Variants in NAALADL2 observed in about 807,000 individuals in gnomAD.
The protein encoded by NAALADL2 is inactive N-acetylated-alpha-linked acidic dipeptidase-like protein 2.
Under a neutral mutation model 87.2 loss-of-function variants are expected in NAALADL2, and 76 were observed. The ratio of observed to expected loss-of-function variants is 0.87; its 90% CI spans 0.72 to 1.05. The LOEUF is 1.05. Among genes scored for constraint, NAALADL2 ranks in the 50% least tolerant of loss-of-function variants. The pLI, the probability that NAALADL2 is intolerant of heterozygous loss-of-function variation, is 0.00. For synonymous variants in NAALADL2, 354 were observed against 331.0 expected, an observed-to-expected ratio of 1.07 and a Z score of -0.75; for missense variants, 1,089 against 945.8, an observed-to-expected ratio of 1.15 and a Z score of -1.99.
chr3:175,663,366 A>T (rs1254425709), intron 11 of NAALADL2, among the ~76,000 whole-genome samples: 2 of 151,672 alleles, frequency 1.3e-5, no homozygotes, highest in African/African-American at 2.4e-5. Flanking sequence ...ATAGTCTCTG[A>T]CAAGCCTTTT....
At position 175,198,038 on chromosome 3, in the gene NAALADL2, TAAAC is replaced by T. The variant is rs534454503; in HGVS notation, c.546-35889_546-35886del. The stretch of plus-strand genomic sequence containing the variant: ...GATACTTTAACAATTAGATTTAACA[TAAAC>T]AAAGTTATCCTGTAAAATTACTCTA... On this transcript the variant is annotated intron_variant, in intron 2 of 13. Transcript: ENST00000454872. 1.9e-3 allele frequency among the ~76,000 whole-genome samples: 288 copies of T among 152,226 alleles called. 2 individuals carry two copies. The highest frequency in any genetic ancestry group is 3.1e-3 in the Non-Finnish European group (214 of 67,968).
intron 9 of NAALADL2, among the ~76,000 whole-genome samples, chr3:175,506,924 G>T (rs1033786423): frequency 6.6e-6 from 1 of 152,006 alleles, no homozygotes; most frequent in Non-Finnish European, 1.5e-5. Flanking sequence ...TTTAGAGGGG[G>T]AAATGACATG....
intron 10 of NAALADL2, among the ~76,000 whole-genome samples, chr3:175,603,887 A>G (rs1268878873): frequency 6.6e-6 from 1 of 152,086 alleles, no homozygotes; most frequent in East Asian, 1.9e-4. Flanking sequence ...CCAGCTACTC[A>G]GGAGGCTGAG....
chr3:175,180,423 G>T (rs1736295268), intron 2 of NAALADL2, among the ~76,000 whole-genome samples: 1 of 151,824 alleles, frequency 6.6e-6, no homozygotes, highest in Non-Finnish European at 1.5e-5. Flanking sequence ...TACTATTACA[G>T]AATTCCAGTA....
At chr3:175,230,707 C>T (rs745960118) in intron 2 of NAALADL2, among the ~76,000 whole-genome samples, 2 of 151,916 alleles carry the variant, frequency 1.3e-5, no homozygotes, top group African/African-American at 4.8e-5. Context: ...TTACTTTACA[C>T]TCACTACATT....
chr3:174,770,459 G>A (rs1342524223), intron 3 of NAALADL2, among the ~76,000 whole-genome samples: 1 of 152,088 alleles, frequency 6.6e-6, no homozygotes, highest in Non-Finnish European at 1.5e-5. Context: ...ATCTTTTATA[G>A]GTTAATTGAT....
chr3:174,649,330 A>G (rs1485400562), intron 2 of NAALADL2, among the ~76,000 whole-genome samples: 2 of 152,134 alleles, frequency 1.3e-5, no homozygotes, highest in Non-Finnish European at 2.9e-5. Flanking sequence ...TGAATTCCAT[A>G]TATAGTCTTA....
At position 175,078,010 on chromosome 3, in the gene NAALADL2, T is replaced by G. The variant is rs189664775; in HGVS notation, c.44-18780T>G. Among the ~76,000 whole-genome samples the G allele has an allele frequency of 4.1e-3, 628 of 151,658 alleles. 10 individuals carry two copies. Among genetic ancestry groups the G allele is most frequent in the African/African-American group, 0.015 (603 of 41,222 alleles). ...ATGATCAAATGAAGGAGTTCGGTTT[T>G]GTTTTGTTCTTTTCTTTCTTTTTTT... On this transcript the variant is annotated intron_variant, in intron 1 of 13. Coordinates refer to ENST00000454872, the MANE Select transcript of NAALADL2 (RefSeq NM_207015.3).
At chr3:175,201,274 T>C (rs1181852698) in intron 2 of NAALADL2, among the ~76,000 whole-genome samples, 1 of 152,152 alleles carries the variant, frequency 6.6e-6, no homozygotes, top group Non-Finnish European at 1.5e-5. Flanking sequence ...ATCTGGTTGA[T>C]GAAAACATGT....
chr3:174,995,367 A>T (rs551243345), intron 1 of NAALADL2, among the ~76,000 whole-genome samples: 27 of 152,164 alleles, frequency 1.8e-4, no homozygotes, highest in Non-Finnish European at 3.2e-4. Context: ...TAATTTAAAA[A>T]ATTTAAAACT....
At chr3:174,862,444 G>A (rs956362978) in intron 1 of NAALADL2, among the ~76,000 whole-genome samples, 2 of 151,936 alleles carry the variant, frequency 1.3e-5, no homozygotes, top group African/African-American at 2.4e-5. Context: ...TCTCTGCCTC[G>A]AAGGATGTCC....
intron 1 of NAALADL2, among the ~76,000 whole-genome samples, chr3:174,996,277 C>T (rs557922293): frequency 6.6e-6 from 1 of 151,998 alleles, no homozygotes; most frequent in African/African-American, 2.4e-5. Context: ...GCAGGCAGAT[C>T]ACGAGGTCAG....
At chr3:174,849,402 T>A (rs547360886) in intron 3 of NAALADL2, among the ~76,000 whole-genome samples, 228 of 152,268 alleles carry the variant, frequency 1.5e-3, no homozygotes, top group African/African-American at 5.2e-3. Flanking sequence ...GCTTTTGTTC[T>A]ATTTTTAATG....
At chr3:174,938,647 G>T (rs1738081123) in intron 1 of NAALADL2, among the ~76,000 whole-genome samples, 1 of 152,078 alleles carries the variant, frequency 6.6e-6, no homozygotes, top group African/African-American at 2.4e-5. Context: ...CACCAACAGT[G>T]TATAAGTGTT....
intron 2 of NAALADL2, among the ~76,000 whole-genome samples, chr3:175,138,626 T>A (rs1729501839): frequency 6.7e-6 from 1 of 148,680 alleles, no homozygotes; most frequent in Non-Finnish European, 1.5e-5. Flanking sequence ...ATTATTATTG[T>A]TATTATTATT....
At chr3:174,768,054 T>C (rs946306745) in intron 3 of NAALADL2, among the ~76,000 whole-genome samples, 1 of 152,182 alleles carries the variant, frequency 6.6e-6, no homozygotes, top group Non-Finnish European at 1.5e-5. Flanking sequence ...ATAAACGTAC[T>C]AGGAGAAGCA....
chr3:174,548,894 C>T (rs1311606222), intron 1 of NAALADL2, among the ~76,000 whole-genome samples: 2 of 152,180 alleles, frequency 1.3e-5, no homozygotes, highest in Non-Finnish European at 2.9e-5. Flanking sequence ...AGCTAGAGTG[C>T]AGTGGCACGA....
At chr3:175,768,985 A>G (rs1749118348) in intron 13 of NAALADL2, among the ~76,000 whole-genome samples, 1 of 152,218 alleles carries the variant, frequency 6.6e-6, no homozygotes, top group African/African-American at 2.4e-5. Flanking sequence ...TTACACATAC[A>G]AAAATGGATA....
intron 2 of NAALADL2, among the ~76,000 whole-genome samples, chr3:174,711,924 C>T (rs1404437650): frequency 6.6e-6 from 1 of 152,068 alleles, no homozygotes; most frequent in African/African-American, 2.4e-5. Flanking sequence ...CTCAGCCTCC[C>T]GAGTAGCTGG....
Sources: allele counts gnomAD v4.1 joint callset (sites outside exome capture counted in the v4.1 genomes callset), GRCh38; gene constraint gnomAD v4.1.1; transcripts MANE v1.5; gene names NCBI Gene and HGNC (gene_info 2026-07-23, HGNC 2026-07-21).